RANBP17: variants seen among roughly 807,000 people sequenced by gnomAD.
The protein encoded by RANBP17 is ran-binding protein 17.
A neutral mutation model predicts 141.2 loss-of-function variants in RANBP17; 158 were observed. The observed-to-expected ratio is 1.12, with a 90% CI of 0.98 to 1.28. RANBP17 has a LOEUF of 1.28. Among genes scored for constraint, RANBP17 ranks in the 50% most tolerant of loss-of-function variants. The pLI is 0.00. For missense variants in RANBP17, 1,438 were observed against 1,290.7 expected, an observed-to-expected ratio of 1.11 and a Z score of -1.75; for synonymous variants, 430 against 450.0, an observed-to-expected ratio of 0.96 and a Z score of 0.56.
chr5:170,899,274 T>C (rs1441686234), intron 5 of RANBP17, among the ~76,000 whole-genome samples: 1 of 152,170 alleles, frequency 6.6e-6, no homozygotes, highest in African/African-American at 2.4e-5. Flanking sequence ...TTTATTCTCT[T>C]TGTATCAATT....
chr5:171,043,367 C>T (rs989357138), intron 14 of RANBP17, among the ~76,000 whole-genome samples: 3 of 151,870 alleles, frequency 2.0e-5, no homozygotes, highest in African/African-American at 7.3e-5. Context: ...TGTGGGGTTG[C>T]AAGAAGCCAG....
chr5:171,215,238 T>C (rs939768503), intron 21 of RANBP17, among the ~76,000 whole-genome samples: 2 of 152,162 alleles, frequency 1.3e-5, no homozygotes, highest in African/African-American at 2.4e-5. Context: ...ATGAACTCAT[T>C]CTTTTTTTAT....
intron 14 of RANBP17, among the ~76,000 whole-genome samples, chr5:170,971,022 C>G (rs1213712065): frequency 6.6e-6 from 1 of 152,084 alleles, no homozygotes; most frequent in Admixed American, 6.6e-5. Flanking sequence ...GGAATTCGGC[C>G]TAGATCTCAT....
At chr5:170,911,168 C>T in intron 7 of RANBP17, 34 bp downstream of exon 7, 1 of 1,578,210 alleles carries the variant, frequency 6.3e-7, no homozygotes, top group Non-Finnish European at 8.7e-7. Context: ...GGGTCATCAA[C>T]ATAAAGGCAC....
intron 12 of RANBP17, among the ~76,000 whole-genome samples, chr5:170,930,665 G>A (rs943704161): frequency 2.6e-5 from 4 of 152,058 alleles, no homozygotes; most frequent in Admixed American, 6.6e-5. Context: ...GCCGTGTTTG[G>A]TTTTCTGTCC....
chr5:170,907,613 G>A (rs1324380623), intron 5 of RANBP17, among the ~76,000 whole-genome samples: 2 of 151,834 alleles, frequency 1.3e-5, no homozygotes, highest in Non-Finnish European at 1.5e-5. Context: ...CTAAGATAGT[G>A]TGCATATAAA....
chr5:171,045,326 A>G (rs944186899), intron 14 of RANBP17, among the ~76,000 whole-genome samples: 1 of 152,138 alleles, frequency 6.6e-6, no homozygotes, highest in Non-Finnish European at 1.5e-5. Flanking sequence ...AATGAGAAGA[A>G]TGAACAGATT....
chr5:170,933,087 G>T (rs1252523468), intron 12 of RANBP17, among the ~76,000 whole-genome samples: 1 of 152,142 alleles, frequency 6.6e-6, no homozygotes, highest in Non-Finnish European at 1.5e-5. Context: ...CTCAATTTCA[G>T]AACCTGTTAT....
At position 171,061,449 on chromosome 5, in the gene RANBP17, A is replaced by C. The variant is rs879323309; in HGVS notation, c.1710+93072A>C. ...GTAGTCATTCAGGAGCAGGTTGTTC[A>C]GTTTCCATGTAGTTGAGCGGTTTTG... On this transcript the variant is annotated intron_variant, in intron 14 of 27. Transcript: ENST00000523189. 2.7e-3 allele frequency among the ~76,000 whole-genome samples: 412 copies of C among 151,994 alleles called. 2 individuals carry two copies. The highest frequency in any genetic ancestry group is 6.8e-3 in the Middle Eastern group (2 of 294).
chr5:170,995,270 C>T (rs1257923930), intron 14 of RANBP17, among the ~76,000 whole-genome samples: 1 of 151,768 alleles, frequency 6.6e-6, no homozygotes, highest in Non-Finnish European at 1.5e-5. Flanking sequence ...TTGCATTTAC[C>T]ATGTTGTCTT....
chr5:171,022,733 C>T (rs563525145), intron 14 of RANBP17, among the ~76,000 whole-genome samples: 10 of 152,294 alleles, frequency 6.6e-5, no homozygotes, highest in Non-Finnish European at 1.3e-4. Context: ...AGTTGTGAGT[C>T]CCAGTGTTGT....
intron 1 of RANBP17, among the ~76,000 whole-genome samples, chr5:170,876,238 T>G (rs982800933): frequency 2.0e-5 from 3 of 152,064 alleles, no homozygotes; most frequent in African/African-American, 7.2e-5. Context: ...TCTTCCCTCC[T>G]CCCTGTGGGT....
chr5:171,260,432 C>T (rs1766231131), intron 24 of RANBP17, among the ~76,000 whole-genome samples: 1 of 146,524 alleles, frequency 6.8e-6, no homozygotes, highest in Admixed American at 6.8e-5. Flanking sequence ...CACTGCACTT[C>T]ACCCTGGGCA....
At chr5:170,952,719 C>G (rs1306243577) in intron 12 of RANBP17, among the ~76,000 whole-genome samples, 1 of 151,896 alleles carries the variant, frequency 6.6e-6, no homozygotes, top group Non-Finnish European at 1.5e-5. Context: ...TGAAATAGCC[C>G]TCTCATCTTT....
rs145995031 is a variant in RANBP17, at chr5:171,282,232, A to C, written c.2944-11651A>C. ...AAAGGGAAAATGAAGGTTGAACATC[A>C]ATAAAAAGCTTCCTGACAAACAGAA... On this transcript the variant is annotated intron_variant, in intron 25 of 27. Transcript: ENST00000523189. Among the ~76,000 whole-genome samples, 6 of 152,336 alleles carry C rather than the reference A, an allele frequency of 3.9e-5. No homozygotes were observed. The East Asian group carries it at 1.2e-3, about 29-fold the overall frequency.
chr5:171,239,845 A>G (rs1764755138), intron 22 of RANBP17, among the ~76,000 whole-genome samples: 1 of 152,178 alleles, frequency 6.6e-6, no homozygotes. Flanking sequence ...GAACAAGGAC[A>G]AAGTGAAACC....
chr5:170,973,443 G>A (rs961686147), intron 14 of RANBP17, among the ~76,000 whole-genome samples: 2 of 152,208 alleles, frequency 1.3e-5, no homozygotes, highest in Middle Eastern at 3.4e-3. Flanking sequence ...TCAGAAGTTG[G>A]TAACTTCTAC....
At chr5:170,872,353 C>G (rs74568082) in intron 1 of RANBP17, among the ~76,000 whole-genome samples, 1 of 152,020 alleles carries the variant, frequency 6.6e-6, no homozygotes, top group African/African-American at 2.4e-5. Flanking sequence ...TGATTTTGCC[C>G]GTTGATTTTG....
intron 12 of RANBP17, among the ~76,000 whole-genome samples, chr5:170,944,192 G>A (rs1188731624): frequency 6.6e-6 from 1 of 152,130 alleles, no homozygotes; most frequent in Non-Finnish European, 1.5e-5. Context: ...ATTGTTCAGG[G>A]TTAGGAAATA....
Sources: gnomAD v4.1 joint callset for allele counts (sites outside exome capture counted in the v4.1 genomes callset) on GRCh38, gnomAD v4.1.1 for gene constraint, MANE v1.5 for transcripts, NCBI Gene and HGNC (gene_info 2026-07-23, HGNC 2026-07-21) for gene names.